RBFOX1: variants seen among roughly 807,000 people sequenced by gnomAD.
RBFOX1 encodes RNA binding protein fox-1 homolog 1.
In RBFOX1, 8 loss-of-function variants were observed where a neutral mutation model predicts 57.7. That is an observed-to-expected ratio of 0.14 (90% CI 0.08 to 0.25). The LOEUF is 0.25. Among genes scored for constraint, RBFOX1 ranks in the 10% least tolerant of loss-of-function variants. The probability of loss-of-function intolerance (pLI) is 1.00; values close to 1 mark genes in which losing one functional copy is unlikely to be tolerated. For synonymous variants in RBFOX1, 326 were observed against 222.4 expected, an observed-to-expected ratio of 1.47 and a Z score of -4.15; for missense variants, 611 against 548.5, an observed-to-expected ratio of 1.11 and a Z score of -1.14.
At chr16:5,669,408 T>C (rs1444689745) in intron 3 of RBFOX1, among the ~76,000 whole-genome samples, 2 of 146,312 alleles carry the variant, frequency 1.4e-5, no homozygotes, top group South Asian at 4.3e-4. Flanking sequence ...CCAAAGAGAA[T>C]GAGAACAAGT....
At chr16:7,002,501 C>T (rs2092912046) in intron 3 of RBFOX1, among the ~76,000 whole-genome samples, 1 of 152,162 alleles carries the variant, frequency 6.6e-6, no homozygotes, top group Non-Finnish European at 1.5e-5. Context: ...ATCATGAGGT[C>T]AGGAGTTGGA....
intron 1 of RBFOX1, among the ~76,000 whole-genome samples, chr16:5,458,834 G>A (rs894018488): frequency 6.6e-6 from 1 of 152,148 alleles, no homozygotes; most frequent in Non-Finnish European, 1.5e-5. Flanking sequence ...GTTCCTGATG[G>A]GTACCAGGAA....
intron 2 of RBFOX1, among the ~76,000 whole-genome samples, chr16:6,608,710 T>C (rs1051209371): frequency 2.6e-5 from 4 of 152,180 alleles, no homozygotes; most frequent in Admixed American, 2.6e-4. Context: ...AGTTTGACGC[T>C]ACAGTGAGCC....
chr16:5,246,808 G>A (rs2062312427), intron 1 of RBFOX1, among the ~76,000 whole-genome samples: 1 of 151,924 alleles, frequency 6.6e-6, no homozygotes, highest in African/African-American at 2.4e-5. Flanking sequence ...GTATCTGGGA[G>A]TACAGGCATG....
intron 4 of RBFOX1, among the ~76,000 whole-genome samples, chr16:5,876,177 T>G (rs1471807350): frequency 6.6e-6 from 1 of 152,072 alleles, no homozygotes; most frequent in Non-Finnish European, 1.5e-5. Context: ...TGGGGGTTAA[T>G]GAGTAAAAAC....
chr16:6,297,825 G>T (rs778823463), intron 1 of RBFOX1, among the ~76,000 whole-genome samples: 4 of 152,176 alleles, frequency 2.6e-5, no homozygotes, highest in Non-Finnish European at 5.9e-5. Context: ...GACAGTCAGA[G>T]AGGAGATTGG....
At chr16:7,485,731 A>T (rs2065195365) in intron 4 of RBFOX1, among the ~76,000 whole-genome samples, 1 of 152,230 alleles carries the variant, frequency 6.6e-6, no homozygotes, top group Non-Finnish European at 1.5e-5. Context: ...TCCATAATGT[A>T]TGTACATATA....
At chr16:6,348,918 G>C (rs752155136) in intron 2 of RBFOX1, among the ~76,000 whole-genome samples, 8 of 152,172 alleles carry the variant, frequency 5.3e-5, no homozygotes, top group Admixed American at 1.3e-4. Flanking sequence ...GGTGTACTAT[G>C]CTTTTCTGGG....
chr16:6,951,941 G>T (rs1364865028), intron 3 of RBFOX1, among the ~76,000 whole-genome samples: 7 of 152,132 alleles, frequency 4.6e-5, no homozygotes, highest in Admixed American at 4.6e-4. Context: ...TCACCATGTT[G>T]GTCAGGCTGG....
chr16:6,159,894 TG>T (rs34497340), intron 1 of RBFOX1, among the ~76,000 whole-genome samples: 87,538 of 151,938 alleles, frequency 0.58, 26,367 homozygotes, highest in Admixed American at 0.71. Context: ...TCCTTAAATT[TG>T]TGCTGCTCTT....
At chr16:5,727,231 C>G (rs2052185464) in intron 3 of RBFOX1, among the ~76,000 whole-genome samples, 1 of 151,620 alleles carries the variant, frequency 6.6e-6, no homozygotes, top group South Asian at 2.1e-4. Context: ...AAGATTGTGC[C>G]ACTGCACTCC....
At chr16:6,570,124 T>C (rs534442795) in intron 2 of RBFOX1, among the ~76,000 whole-genome samples, 48 of 152,336 alleles carry the variant, frequency 3.2e-4, no homozygotes, top group African/African-American at 9.4e-4. Flanking sequence ...GCCATGTGCT[T>C]AAATGAAATC....
At chr16:7,352,075 T>C (rs914101440) in intron 4 of RBFOX1, among the ~76,000 whole-genome samples, 1 of 152,172 alleles carries the variant, frequency 6.6e-6, no homozygotes, top group Non-Finnish European at 1.5e-5. Context: ...TGTAGGCATA[T>C]GGTCTTGCAA....
intron 3 of RBFOX1, among the ~76,000 whole-genome samples, chr16:6,929,781 G>A (rs1436175966): frequency 6.6e-6 from 1 of 152,086 alleles, no homozygotes; most frequent in African/African-American, 2.4e-5. Flanking sequence ...ATATCCTGTA[G>A]CTTTTTTTAT....
intron 3 of RBFOX1, among the ~76,000 whole-genome samples, chr16:7,037,913 A>G (rs879647171): frequency 9.2e-5 from 14 of 152,340 alleles, no homozygotes; most frequent in Non-Finnish European, 1.8e-4. Context: ...TTTAATTGGG[A>G]TGCAGATTAT....
intron 2 of RBFOX1, among the ~76,000 whole-genome samples, chr16:6,609,968 A>T (rs1018884424): frequency 6.6e-6 from 1 of 151,958 alleles, no homozygotes; most frequent in African/African-American, 2.4e-5. Flanking sequence ...AGATCACGCC[A>T]TTGCACTCCA....
intron 2 of RBFOX1, among the ~76,000 whole-genome samples, chr16:6,565,509 G>T (rs1258425015): frequency 1.3e-5 from 2 of 150,520 alleles, no homozygotes; most frequent in South Asian, 4.2e-4. Flanking sequence ...CACCTGCTTC[G>T]GCTTCCCAAA....
chr16:6,278,639 G>C (rs191950975), intron 1 of RBFOX1, among the ~76,000 whole-genome samples: 9 of 151,592 alleles, frequency 5.9e-5, no homozygotes, highest in Admixed American at 3.9e-4. Context: ...TCTATTTTTA[G>C]GTTGTTAAAA....
intron 4 of RBFOX1, among the ~76,000 whole-genome samples, chr16:7,118,889 C>T (rs1422584820): frequency 1.3e-5 from 2 of 152,144 alleles, no homozygotes; most frequent in Non-Finnish European, 2.9e-5. Flanking sequence ...GCTCAGATCT[C>T]TTAACTGTTG....
Sources: allele counts gnomAD v4.1 joint callset (sites outside exome capture counted in the v4.1 genomes callset), GRCh38; gene constraint gnomAD v4.1.1; transcripts MANE v1.5; gene names NCBI Gene and HGNC (gene_info 2026-07-23, HGNC 2026-07-21).